The following EPHB1 variants were observed in gnomAD, a reference collection of about 807,000 sequenced individuals.
EPHB1 encodes the protein EPH receptor B1, also known as ephrin type-B receptor 1.
A neutral mutation model predicts 94.4 loss-of-function variants in EPHB1; 30 were observed. The observed-to-expected ratio is 0.32, with a 90% CI of 0.24 to 0.43. EPHB1 has a LOEUF of 0.43. Ranked by LOEUF, EPHB1 falls within the 20% of genes least tolerant of loss-of-function variation. EPHB1 has a pLI of 1.00. For missense variants in EPHB1, 1,055 were observed against 1,308.3 expected, an observed-to-expected ratio of 0.81 and a Z score of 2.99; for synonymous variants, 522 against 489.1, an observed-to-expected ratio of 1.07 and a Z score of -0.89.
chr3:134,971,183 G>A (rs1933958389), intron 3 of EPHB1, among the ~76,000 whole-genome samples: 1 of 152,112 alleles, frequency 6.6e-6, no homozygotes, highest in South Asian at 2.1e-4. Context: ...TGGGGCCCAG[G>A]GAATCTGAGA....
At chr3:135,001,157 G>A (rs762768279) in intron 3 of EPHB1, among the ~76,000 whole-genome samples, 19 of 152,142 alleles carry the variant, frequency 1.2e-4, no homozygotes, top group Non-Finnish European at 1.8e-4. Flanking sequence ...TCACTCCATG[G>A]CCTCTGTCTC....
intron 1 of EPHB1, among the ~76,000 whole-genome samples, chr3:134,845,869 C>G (rs922241591): frequency 6.6e-6 from 1 of 152,162 alleles, no homozygotes; most frequent in Non-Finnish European, 1.5e-5. Flanking sequence ...GAGGATGCAC[C>G]CTGCCCTCTC....
chr3:135,032,065 T>C (rs1317946254), intron 3 of EPHB1, among the ~76,000 whole-genome samples: 1 of 152,110 alleles, frequency 6.6e-6, no homozygotes, highest in Non-Finnish European at 1.5e-5. Context: ...ATTTCATGTT[T>C]CTTCTTTTTC....
intron 3 of EPHB1, among the ~76,000 whole-genome samples, chr3:135,080,462 G>T (rs994793762): frequency 1.3e-5 from 2 of 152,150 alleles, no homozygotes; most frequent in Non-Finnish European, 2.9e-5. Context: ...ATGATAAAGG[G>T]TGAATTGCTC....
chr3:135,174,015 T>C (rs1228884015), intron 9 of EPHB1, among the ~76,000 whole-genome samples: 1 of 152,254 alleles, frequency 6.6e-6, no homozygotes. Flanking sequence ...TCTCTTCTGC[T>C]GTTCTTGTTG....
intron 3 of EPHB1, among the ~76,000 whole-genome samples, 167 bp downstream of exon 3, chr3:134,952,219 A>G (rs1233388472): frequency 6.6e-6 from 1 of 152,238 alleles, no homozygotes; most frequent in Non-Finnish European, 1.5e-5. Flanking sequence ...TTTTCCAATC[A>G]TGTCCAACCA....
At chr3:135,122,813 T>C (rs1409994267) in intron 4 of EPHB1, among the ~76,000 whole-genome samples, 1 of 152,232 alleles carries the variant, frequency 6.6e-6, no homozygotes, top group Non-Finnish European at 1.5e-5. Context: ...TCTTTGATGC[T>C]CCTGAAATCC....
chr3:135,168,975 G>T (rs1442502856), intron 9 of EPHB1, among the ~76,000 whole-genome samples: 2 of 152,140 alleles, frequency 1.3e-5, no homozygotes, highest in Non-Finnish European at 1.5e-5. Context: ...CTTGGCTGGG[G>T]TATAGAGGTT....
At chr3:135,008,847 C>A (rs968733445) in intron 3 of EPHB1, among the ~76,000 whole-genome samples, 7 of 152,158 alleles carry the variant, frequency 4.6e-5, no homozygotes, top group Non-Finnish European at 1.0e-4. Context: ...GACCCAAGGA[C>A]AACTTCAGTG....
chr3:135,093,812 T>A (rs1938650158), intron 3 of EPHB1, among the ~76,000 whole-genome samples: 1 of 152,156 alleles, frequency 6.6e-6, no homozygotes, highest in Non-Finnish European at 1.5e-5. Flanking sequence ...ATTTTTAAAA[T>A]GTGCATAATC....
chr3:135,100,510 C>A (rs1425080916), intron 3 of EPHB1, among the ~76,000 whole-genome samples: 3 of 152,162 alleles, frequency 2.0e-5, no homozygotes, highest in Non-Finnish European at 4.4e-5. Flanking sequence ...CTATTAATTT[C>A]CTCTTCCTGG....
intron 3 of EPHB1, among the ~76,000 whole-genome samples, chr3:134,968,377 G>T (rs1223811847): frequency 1.3e-5 from 2 of 152,160 alleles, no homozygotes; most frequent in East Asian, 3.8e-4. Context: ...AATTTAAAGA[G>T]ATCCAGTAAA....
intron 1 of EPHB1, among the ~76,000 whole-genome samples, chr3:134,828,507 A>G (rs2036526524): frequency 6.6e-6 from 1 of 152,154 alleles, no homozygotes; most frequent in Non-Finnish European, 1.5e-5. Context: ...ATCTGCCTCA[A>G]TCTATCATTT....
intron 3 of EPHB1, among the ~76,000 whole-genome samples, chr3:135,065,589 A>G (rs906821461): frequency 1.3e-5 from 2 of 152,162 alleles, no homozygotes; most frequent in African/African-American, 2.4e-5. Flanking sequence ...TGTCTGTGTT[A>G]GGTGAGTCTC....
At chr3:134,812,677 T>TG in intron 1 of EPHB1, among the ~76,000 whole-genome samples, 1 of 152,364 alleles carries the variant, frequency 6.6e-6, no homozygotes, top group East Asian at 1.9e-4. Context: ...GGTAAGATAC[T>TG]GCCAGTCTGT....
At chr3:135,070,041 C>T (rs1937653614) in intron 3 of EPHB1, among the ~76,000 whole-genome samples, 2 of 152,176 alleles carry the variant, frequency 1.3e-5, no homozygotes, top group African/African-American at 4.8e-5. Flanking sequence ...GCAGCTTCCA[C>T]AGTGTTTAAC....
intron 1 of EPHB1, among the ~76,000 whole-genome samples, chr3:134,820,893 A>G (rs182830053): frequency 6.9e-4 from 105 of 152,314 alleles, no homozygotes; most frequent in African/African-American, 2.5e-3. Context: ...ATATTTATTT[A>G]TTTATTTAAG....
At chr3:135,075,301 T>A (rs911028273) in intron 3 of EPHB1, among the ~76,000 whole-genome samples, 11 of 152,194 alleles carry the variant, frequency 7.2e-5, no homozygotes, top group African/African-American at 2.4e-4. Flanking sequence ...CAGAGTCTGC[T>A]GGCATCTCCC....
intron 12 of EPHB1, among the ~76,000 whole-genome samples, chr3:135,238,029 T>C (rs369003889): frequency 1.1e-4 from 17 of 152,334 alleles, no homozygotes; most frequent in African/African-American, 3.8e-4. Flanking sequence ...TGAAGACAAG[T>C]TATAATCATC....
Sources: gnomAD v4.1 joint callset for allele counts (sites outside exome capture counted in the v4.1 genomes callset) on GRCh38, gnomAD v4.1.1 for gene constraint, MANE v1.5 for transcripts, NCBI Gene and HGNC (gene_info 2026-07-23, HGNC 2026-07-21) for gene names.